The following HTATSF1 variants were observed in gnomAD, a reference collection of about 807,000 sequenced individuals.
HTATSF1 encodes 17S U2 SnRNP complex component HTATSF1.
HTATSF1 carries 6 observed loss-of-function variants against 46.1 expected under a neutral mutation model. The observed-to-expected ratio is 0.13, with a 90% CI of 0.07 to 0.26. HTATSF1 has a LOEUF of 0.26. Ranked by LOEUF, HTATSF1 falls within the 10% of genes least tolerant of loss-of-function variation. The probability of loss-of-function intolerance (pLI) is 1.00; values close to 1 mark genes in which losing one functional copy is unlikely to be tolerated. For missense variants in HTATSF1, 452 were observed against 559.9 expected, an observed-to-expected ratio of 0.81 and a Z score of 1.94; for synonymous variants, 226 against 211.5, an observed-to-expected ratio of 1.07 and a Z score of -0.60.
rs778111101 is a variant in HTATSF1, at chrX:136,499,606, A to T, written c.195A>T (p.Glu65Asp). 3 of 1,166,798 alleles carry T rather than the reference A, an allele frequency of 2.6e-6. No individual in the cohort carries two copies. In the East Asian group the frequency reaches 9.2e-5, roughly 36 times the overall value. Residue 65 changes from glutamate to aspartate, a missense_variant, in exon 2 of 9, where the codon GAA (glutamate) becomes GAT (aspartate). Physicochemically the swap from Glu to Asp is conservative, Grantham distance 45. Around this residue, in one of 3 missense-constraint regions of HTATSF1, gnomAD observed 89 missense variants for 92.3 expected, o/e 0.96. Transcript: ENST00000218364. ...TTGAATTGCTTGTGTAGATTACTGA[A>T]GATTTCATTGCTACATATCAGGCCA... ...DKKAWFPKIT[E>D]DFIATYQANY...
intron 6 of HTATSF1, among the ~76,000 whole-genome samples, chrX:136,506,212 A>G (rs1431020955): frequency 1.8e-5 from 2 of 112,046 alleles, no homozygotes; most frequent in African/African-American, 6.5e-5. Context: ...AACCACATTT[A>G]TTCTACCTTG....
Position 136,511,593 on chromosome X carries a change from TGA to T in HTATSF1, c.1856_1857del (p.Glu619ValfsTer2), listed in dbSNP as rs763861905. The T allele has an allele frequency of 2.5e-6, 3 of 1,210,984 alleles. No individual in the cohort carries two copies. Among genetic ancestry groups the T allele is most frequent in the Non-Finnish European group, 3.4e-6 (3 of 895,061 alleles). The part of the protein sequence containing the change: ...SEKVLDEEGS[E>X]REFDEDSDEK... ...AAAAAGTGTTAGATGAGGAAGGCTC[TGA>T]GAGAGAGTTTGACGAAGATTCAGAT... On this transcript the variant is annotated frameshift_variant, in exon 9 of 9. Transcript: ENST00000218364. LOFTEE classifies it high-confidence loss of function.
intron 4 of HTATSF1, among the ~76,000 whole-genome samples, chrX:136,502,249 C>T (rs190536754): frequency 8.9e-6 from 1 of 111,814 alleles, no homozygotes; most frequent in East Asian, 2.8e-4. Context: ...AAATTAAAGG[C>T]TGTCTATGGT....
intron 4 of HTATSF1, among the ~76,000 whole-genome samples, chrX:136,502,218 C>T (rs948655322): frequency 8.9e-6 from 1 of 111,864 alleles, no homozygotes; most frequent in Non-Finnish European, 1.9e-5. Flanking sequence ...TACAGACTCA[C>T]AATTTAATGG....
intron 7 of HTATSF1, 68 bp from the exon 8 acceptor site, chrX:136,510,014 T>C (rs2075759891): frequency 2.0e-6 from 2 of 1,018,772 alleles, no homozygotes; most frequent in Admixed American, 2.4e-5. Context: ...TTACCTACTT[T>C]GTGAAATGTA....
intron 5 of HTATSF1, among the ~76,000 whole-genome samples, chrX:136,504,113 C>T (rs377361008): frequency 2.7e-5 from 3 of 111,510 alleles, no homozygotes; most frequent in Non-Finnish European, 5.7e-5. Flanking sequence ...TCAAGTGATC[C>T]GCCCGCCTCG....
At position 136,497,789 on chromosome X, in the gene HTATSF1, C is replaced by G; in HGVS notation, c.105C>G (p.Gly35=). 8.3e-7 allele frequency: 1 copy of G among 1,202,691 alleles called. No individual in the cohort carries two copies. The highest frequency in any genetic ancestry group is 1.1e-6 in the Non-Finnish European group (1 of 889,116). Residue 35 remains glycine, a synonymous_variant, in exon 1 of 9, where the codon GGC becomes GGG. Transcript: ENST00000218364. ...GKDGDTQTDA[G]GEPDSLGQQP... is the part of the protein sequence containing the mutation. ...ATGGTGACACCCAGACCGATGCCGG[C>G]GGAGAACCCGATTCTCTCGGGCAGC...
Position 136,511,444 on chromosome X carries a change from G to A in HTATSF1, c.1699G>A (p.Glu567Lys). ...SEDGSEREFE[E>K]NGLEKDLDEE... ...AGATGGCTCCGAAAGAGAATTTGAA[G>A]AAAATGGTCTCGAGAAAGATTTGGA... The change falls in exon 9 of 9, where the codon GAA (glutamate) becomes AAA (lysine). Residue 567 changes from glutamate (E) to lysine (K), a missense_variant. Coordinates refer to ENST00000218364, the MANE Select transcript of HTATSF1 (RefSeq NM_014500.5). 1 of 1,211,008 alleles carries A rather than the reference G, an allele frequency of 8.3e-7. No homozygotes were observed. The highest frequency in any genetic ancestry group is 1.1e-6 in the Non-Finnish European group (1 of 895,231).
At chrX:136,507,264 A>G (rs772104282) in intron 6 of HTATSF1, among the ~76,000 whole-genome samples, 1 of 112,246 alleles carries the variant, frequency 8.9e-6, no homozygotes, top group African/African-American at 3.2e-5. Flanking sequence ...GTTAGAAGCA[A>G]CATACCTAAG....
chrX:136,507,653 A>G (rs1305636629), intron 6 of HTATSF1, among the ~76,000 whole-genome samples: 2 of 111,449 alleles, frequency 1.8e-5, no homozygotes, highest in African/African-American at 6.5e-5. Flanking sequence ...GCTTCAATTT[A>G]AAAGTTGTTA....
intron 8 of HTATSF1, 25 bp from the exon 9 acceptor site, chrX:136,510,783 A>C: frequency 8.6e-7 from 1 of 1,161,832 alleles, no homozygotes. Context: ...AACTTATTTT[A>C]ATGGCAGTCT....
At chrX:136,499,281 A>G (rs1382136180) in intron 1 of HTATSF1, among the ~76,000 whole-genome samples, 1 of 112,401 alleles carries the variant, frequency 8.9e-6, no homozygotes, top group Admixed American at 9.4e-5. Flanking sequence ...GCCTTAGTCA[A>G]GTAGTGTAGA....
At chrX:136,498,565 A>G (rs1378129050) in intron 1 of HTATSF1, among the ~76,000 whole-genome samples, 1 of 112,767 alleles carries the variant, frequency 8.9e-6, no homozygotes, top group Admixed American at 9.3e-5. Flanking sequence ...AGGAAAGGGC[A>G]CACTAATAGC....
rs758759229 is a variant in HTATSF1, at chrX:136,512,192, T to C, written c.*179T>C. On this transcript the variant is annotated 3_prime_UTR_variant, in exon 9 of 9. Transcript: ENST00000218364. ...TTTAAATATATGTTAATTGATTGTT[T>C]AGTTAAAATGTCATAGTTACAATGC... is the stretch of plus-strand genomic sequence containing the variant. The C allele has an allele frequency of 1.7e-4, 67 of 402,127 alleles. No homozygotes were observed. The highest frequency in any genetic ancestry group is 1.6e-3 in the African/African-American group (63 of 39,384). The allele number at this position is 402,127 out of a possible 1,213,427, so 33.1% of individuals were successfully genotyped here. A position where few individuals can be genotyped will look rare whatever the true frequency, so the allele number is the denominator to read the frequency against.
At chrX:136,506,328 T>C (rs1418425375) in intron 6 of HTATSF1, among the ~76,000 whole-genome samples, 2 of 111,920 alleles carry the variant, frequency 1.8e-5, no homozygotes, top group East Asian at 2.8e-4. Context: ...AACATTACTT[T>C]GGAGTTACAG....
At position 136,504,390 on chromosome X, in the gene HTATSF1, G is replaced by A. The variant is rs1603306271; in HGVS notation, c.761G>A (p.Arg254Gln). The A allele has an allele frequency of 4.1e-6, 5 of 1,208,894 alleles. No individual in the cohort carries two copies. Among genetic ancestry groups the A allele is most frequent in the East Asian group, 3.0e-5 (1 of 33,626 alleles). ...QKQLDWRPER[R>Q]AGPSRMRHER... The stretch of plus-strand genomic sequence containing the variant: ...CAGTTGGATTGGAGACCTGAGAGGC[G>A]AGCCGGACCATCCCGGATGCGCCAT... Residue 254 changes from arginine to glutamine, a missense_variant, in exon 6 of 9, where the codon CGA becomes CAA. By Grantham distance (43) the Arg-to-Gln change is conservative. Around this residue, in one of 3 missense-constraint regions of HTATSF1, gnomAD observed 117 missense variants for 222.2 expected, o/e 0.53. Coordinates refer to ENST00000218364, the MANE Select transcript of HTATSF1 (RefSeq NM_014500.5).
Position 136,500,179 on chromosome X carries a change from A to T in HTATSF1, c.389A>T (p.Asp130Val). Residue 130 changes from aspartate (D) to valine (V), a missense_variant, in exon 3 of 9, where the codon GAC becomes GTC. Physicochemically the swap from Asp to Val is radical, Grantham distance 152. Transcript: ENST00000218364. Reference sequence around the variant, plus strand: ...CTAGGATGGTTTCATGTTGAAGAAGACAGAAATACAAATGTATACGTGTCT... The same window carrying T: ...CTAGGATGGTTTCATGTTGAAGAAGTCAGAAATACAAATGTATACGTGTCT... ...AESGWFHVEE[D>V]RNTNVYVSGL... The T allele has an allele frequency of 9.0e-7, 1 of 1,106,290 alleles. No individual in the cohort carries two copies. Among genetic ancestry groups the T allele is most frequent in the Non-Finnish European group, 1.2e-6 (1 of 803,908 alleles). 91.2% of individuals were successfully genotyped at this position (1,106,290 alleles called of 1,213,427 possible). A position where few individuals can be genotyped will look rare whatever the true frequency, so the allele number is the denominator to read the frequency against.
At chrX:136,500,270 T>G in intron 3 of HTATSF1, 65 bp downstream of exon 3, 1 of 745,055 alleles carries the variant, frequency 1.3e-6, no homozygotes, top group South Asian at 2.3e-5. Context: ...TTTCACGAAG[T>G]GATTTTTAGC....
intron 2 of HTATSF1, 122 bp downstream of exon 2, chrX:136,499,900 G>C (rs2075710305): frequency 1.8e-6 from 1 of 541,628 alleles, no homozygotes; most frequent in South Asian, 3.9e-5. Context: ...TTTTCTTTAA[G>C]GTAGTGTCAG....
Sources: allele counts gnomAD v4.1 joint callset (sites outside exome capture counted in the v4.1 genomes callset), GRCh38; gene constraint gnomAD v4.1.1; regional missense constraint gnomAD v4.1.1; transcripts MANE v1.5; gene names NCBI Gene and HGNC (gene_info 2026-07-23, HGNC 2026-07-21).